The following KSR2 variants were observed in gnomAD, a reference collection of about 807,000 sequenced individuals.
KSR2 encodes kinase suppressor of ras 2.
A neutral mutation model predicts 107.8 loss-of-function variants in KSR2; 25 were observed. The ratio of observed to expected loss-of-function variants is 0.23; its 90% CI spans 0.17 to 0.32. The LOEUF is 0.32. KSR2 is among the 10% of genes least tolerant of loss of function. KSR2 has a pLI of 1.00. For missense variants in KSR2, 887 were observed against 1,268.9 expected (o/e 0.70, Z 4.57); for synonymous variants, 480 against 507.0 (o/e 0.95, Z 0.71).
chr12:117,872,766 C>T (rs1425709173), intron 1 of KSR2, among the ~76,000 whole-genome samples: 1 of 152,130 alleles, frequency 6.6e-6, no homozygotes, highest in Admixed American at 6.5e-5. Context: ...GATCTGGGTC[C>T]TTGGACAATA....
chr12:117,633,087 A>T (rs539159110), intron 5 of KSR2, among the ~76,000 whole-genome samples: 1 of 152,348 alleles, frequency 6.6e-6, no homozygotes, highest in Non-Finnish European at 1.5e-5. Context: ...AAGCTGGAGC[A>T]TACCCCTTTT....
chr12:117,896,999 C>T (rs1894533942), intron 1 of KSR2, among the ~76,000 whole-genome samples: 1 of 152,114 alleles, frequency 6.6e-6, no homozygotes, highest in Non-Finnish European at 1.5e-5. Context: ...AAGACAGGTG[C>T]TGTGCCAAGC....
intron 3 of KSR2, among the ~76,000 whole-genome samples, chr12:117,767,123 A>T (rs1889260514): frequency 6.6e-6 from 1 of 151,654 alleles, no homozygotes; most frequent in African/African-American, 2.4e-5. Context: ...TTGAGAGAGG[A>T]AAAAATTAGG....
At chr12:117,770,360 G>A (rs1370640893) in intron 3 of KSR2, among the ~76,000 whole-genome samples, 1 of 152,066 alleles carries the variant, frequency 6.6e-6, no homozygotes, top group Admixed American at 6.6e-5. Flanking sequence ...GAGCACCAAG[G>A]ATGGCCAGCC....
At position 117,669,051 on chromosome 12, in the gene KSR2, A is replaced by G. The variant is rs1294516448; in HGVS notation, c.987-1393T>C. On this transcript the variant is annotated intron_variant, in intron 4 of 19. Transcript: ENST00000339824. ...TCATTCAAGAGAAGAGAAAGGGGTG[A>G]TGTCTAATCTCAATCCTACACACGG... Among the ~76,000 whole-genome samples the G allele has an allele frequency of 3.3e-5, 5 of 152,286 alleles. No individual in the cohort carries two copies. The East Asian group carries it at 9.6e-4, about 29-fold the overall frequency.
At chr12:117,871,414 C>T (rs1207931531) in intron 1 of KSR2, among the ~76,000 whole-genome samples, 3 of 152,046 alleles carry the variant, frequency 2.0e-5, no homozygotes, top group Non-Finnish European at 4.4e-5. Context: ...CATGGTGAAA[C>T]CCCGTCACTA....
intron 1 of KSR2, among the ~76,000 whole-genome samples, chr12:117,945,366 G>C (rs1896148926): frequency 6.6e-6 from 1 of 152,130 alleles, no homozygotes; most frequent in South Asian, 2.1e-4. Flanking sequence ...TAAGAAATGT[G>C]TTCATTGATC....
At chr12:117,591,706 C>T (rs964068454) in intron 5 of KSR2, among the ~76,000 whole-genome samples, 3 of 143,348 alleles carry the variant, frequency 2.1e-5, no homozygotes, top group Admixed American at 6.8e-5. Context: ...GGTCCCACCC[C>T]TGCTTAAAAA....
At chr12:117,801,208 C>T (rs1890820062) in intron 3 of KSR2, among the ~76,000 whole-genome samples, 1 of 152,070 alleles carries the variant, frequency 6.6e-6, no homozygotes, top group East Asian at 1.9e-4. Flanking sequence ...CCTCCACCTC[C>T]TGGATTCAGG....
intron 4 of KSR2, among the ~76,000 whole-genome samples, chr12:117,686,942 G>A (rs559567093): frequency 6.6e-6 from 1 of 152,320 alleles, no homozygotes; most frequent in African/African-American, 2.4e-5. Context: ...CTGAGGGCTT[G>A]GAGAGGACTC....
At chr12:117,743,445 G>A (rs1309982319) in intron 4 of KSR2, among the ~76,000 whole-genome samples, 1 of 152,200 alleles carries the variant, frequency 6.6e-6, no homozygotes, top group Admixed American at 6.5e-5. Context: ...AGAGAAAGCA[G>A]CAAATGTCTC....
intron 1 of KSR2, among the ~76,000 whole-genome samples, chr12:117,958,259 T>C (rs982991517): frequency 6.6e-6 from 1 of 152,132 alleles, no homozygotes; most frequent in African/African-American, 2.4e-5. Flanking sequence ...CCCTGAGCTC[T>C]TAGACATCAA....
chr12:117,761,586 C>T (rs1221693005), intron 3 of KSR2, 62 bp from the exon 4 acceptor site: 9 of 1,463,786 alleles, frequency 6.1e-6, no homozygotes, highest in African/African-American at 1.4e-5. Flanking sequence ...GTGAGTTACA[C>T]CATACACACC....
rs1311915952 is a variant in KSR2 at position 117,467,440 on chromosome 12, A to AT, written c.2847-236dup. Among the ~76,000 whole-genome samples, 22 of 152,378 alleles carry AT rather than the reference A, an allele frequency of 1.4e-4. 1 individual carries two copies. Among genetic ancestry groups the AT allele is most frequent in the Middle Eastern group, 6.8e-3 (2 of 294 alleles). On this transcript the variant is annotated intron_variant, in intron 19 of 19. Coordinates refer to ENST00000339824, the MANE Select transcript of KSR2 (RefSeq NM_173598.6). The stretch of plus-strand genomic sequence containing the variant: ...TGAGCCTGCAATATAGGCTACTAAT[A>AT]TTTTCAAAGATGAAAATAATCAGAG...
rs1203911024 is a variant in KSR2, at chr12:117,855,010, A to T, written c.472+418T>A. On this transcript the variant is annotated intron_variant, in intron 3 of 19. Transcript: ENST00000339824. ...GGGTGGAGCTTAGGGTGATTTTTTTAAAATCTATTTTCTGGTTTATGTTAC... is the reference window on the plus strand; with the variant it reads ...GGGTGGAGCTTAGGGTGATTTTTTTTAAATCTATTTTCTGGTTTATGTTAC... 7.9e-5 allele frequency among the ~76,000 whole-genome samples: 12 copies of T among 152,164 alleles called. No individual in the cohort carries two copies. In the East Asian group the frequency reaches 1.7e-3, roughly 22 times the overall value.
intron 5 of KSR2, among the ~76,000 whole-genome samples, chr12:117,600,058 C>G (rs553186785): frequency 1.3e-4 from 20 of 152,300 alleles, no homozygotes; most frequent in African/African-American, 4.8e-4. Context: ...CCAGCAAGCT[C>G]TCAGAGCAGC....
chr12:117,650,000 A>G (rs899353151), intron 5 of KSR2, among the ~76,000 whole-genome samples: 1 of 152,180 alleles, frequency 6.6e-6, no homozygotes, highest in Non-Finnish European at 1.5e-5. Context: ...CCTCCCCAGC[A>G]TTCATTCTCT....
rs111598360 is a variant in KSR2 at position 117,853,777 on chromosome 12, G to A, written c.472+1651C>T. ...TCCCTGTCAGCCACACTCATGTTGG[G>A]TGAGTCAACACCATTGTGCTAGAGG... On this transcript the variant is annotated intron_variant, in intron 3 of 19. Transcript: ENST00000339824. 7.3e-4 allele frequency among the ~76,000 whole-genome samples: 111 copies of A among 152,266 alleles called. 2 individuals are homozygous for A. In the Middle Eastern group the frequency reaches 0.01, roughly 14 times the overall value.
At chr12:117,856,713 G>A (rs1333901819) in intron 2 of KSR2, among the ~76,000 whole-genome samples, 2 of 152,060 alleles carry the variant, frequency 1.3e-5, no homozygotes, top group East Asian at 1.9e-4. Context: ...CTGACCTCAG[G>A]TGATCTGCCC....
Sources: allele counts gnomAD v4.1 joint callset (sites outside exome capture counted in the v4.1 genomes callset), GRCh38; gene constraint gnomAD v4.1.1; transcripts MANE v1.5; gene names NCBI Gene and HGNC (gene_info 2026-07-23, HGNC 2026-07-21).